Variants in PIKFYVE observed in about 807,000 individuals in gnomAD.
The protein encoded by PIKFYVE is 1-phosphatidylinositol 3-phosphate 5-kinase.
In PIKFYVE, 122 loss-of-function variants were observed where a neutral mutation model predicts 257.9. The observed-to-expected ratio is 0.47, with a 90% confidence interval of 0.41 to 0.55. PIKFYVE has a LOEUF of 0.55. Ranked by LOEUF, PIKFYVE falls within the 20% of genes least tolerant of loss-of-function variation. The probability of loss-of-function intolerance (pLI) is 0.00; values close to 1 mark genes in which losing one functional copy is unlikely to be tolerated. For missense variants in PIKFYVE, 2,160 were observed against 2,536.6 expected, an observed-to-expected ratio of 0.85 and a Z score of 3.19; for synonymous variants, 892 against 868.9, an observed-to-expected ratio of 1.03 and a Z score of -0.47.
At chr2:208,314,151 C>A in intron 13 of PIKFYVE, 143 bp from the exon 14 acceptor site, 1 of 802,610 alleles carries the variant, frequency 1.2e-6, no homozygotes, top group Non-Finnish European at 2.0e-6. Flanking sequence ...ATGTTTATTA[C>A]ATGTTCTTGC....
intron 9 of PIKFYVE, among the ~76,000 whole-genome samples, chr2:208,301,464 CG>C: frequency 6.6e-6 from 1 of 152,264 alleles, no homozygotes; most frequent in Admixed American, 6.5e-5. Context: ...CTATGCCTGT[CG>C]GGTCCTAGCT....
At chr2:208,269,832 C>A in intron 1 of PIKFYVE, 1 of 265,338 alleles carries the variant, frequency 3.8e-6, no homozygotes, top group South Asian at 6.3e-5. Context: ...TCTCAGGGGC[C>A]TGGGGGATGG....
chr2:208,333,039 C>G (rs1697730449), intron 23 of PIKFYVE, among the ~76,000 whole-genome samples: 2 of 151,748 alleles, frequency 1.3e-5, no homozygotes, highest in Admixed American at 1.3e-4. Flanking sequence ...TCGAGACCAC[C>G]CTGGCTAACA....
rs754119732 is a variant in PIKFYVE at position 208,335,929 on chromosome 2, A to G, written c.4365+28A>G. On this transcript the variant is annotated intron_variant, in intron 26 of 41. Transcript: ENST00000264380. ...AATTTATTTCTTTGGTAGAAAATTC[A>G]AAAGTTAATTATTGATTAAAAATTA... 4 of 1,590,590 alleles carry G rather than the reference A, an allele frequency of 2.5e-6. No individual in the cohort carries two copies. The South Asian group carries it at 3.3e-5, about 13-fold the overall frequency.
chr2:208,324,276 A>G lies in PIKFYVE; in HGVS notation c.2325A>G (p.Val775=), dbSNP rs2125571482. Residue 775 remains valine, a synonymous_variant, in exon 18 of 42, where the codon GTA becomes GTG. Coordinates refer to ENST00000264380, the MANE Select transcript of PIKFYVE (RefSeq NM_015040.4). ...ATGGCATTACTTTGGTCATTAATGTAAAGTCAGTGAGTGTTTTTAATTTTC... is the reference window on the plus strand; with the variant it reads ...ATGGCATTACTTTGGTCATTAATGTGAAGTCAGTGAGTGTTTTTAATTTTC... ...LEHGITLVIN[V]KSQVLERISR... is the part of the protein sequence containing the mutation. 1.9e-6 allele frequency: 3 copies of G among 1,613,826 alleles called. No homozygotes were observed. The highest frequency in any genetic ancestry group is 1.1e-5 in the South Asian group (1 of 91,078).
chr2:208,330,277 A>T (rs190218111), intron 22 of PIKFYVE, among the ~76,000 whole-genome samples: 5 of 152,332 alleles, frequency 3.3e-5, no homozygotes, highest in Admixed American at 2.6e-4. Flanking sequence ...AGTCCCCTTT[A>T]TAGGGAATAA....
At chr2:208,331,908 A>C (rs892383674) in intron 23 of PIKFYVE, among the ~76,000 whole-genome samples, 1 of 152,226 alleles carries the variant, frequency 6.6e-6, no homozygotes, top group Non-Finnish European at 1.5e-5. Flanking sequence ...GTTGTAGAAT[A>C]TGTTAACTGG....
intron 36 of PIKFYVE, among the ~76,000 whole-genome samples, chr2:208,350,306 CTCT>C (rs1699658308): frequency 1.3e-5 from 2 of 151,188 alleles, no homozygotes; most frequent in Non-Finnish European, 1.5e-5. Flanking sequence ...GTAAATTATG[CTCT>C]TATTTCTAAT....
At position 208,303,793 on chromosome 2, in the gene PIKFYVE, G is replaced by C. The variant is rs115016052; in HGVS notation, c.1321-378G>C. Among the ~76,000 whole-genome samples, 1,026 of 152,238 alleles carry C rather than the reference G, an allele frequency of 6.7e-3. 5 individuals carry two copies. The highest frequency in any genetic ancestry group is 0.01 in the Non-Finnish European group (710 of 68,004). The stretch of plus-strand genomic sequence containing the variant: ...GAAGAGACAAATGACTCCAAATATT[G>C]GTGTGGCATGATTGATTAAAAGTTA... On this transcript the variant is annotated intron_variant, in intron 10 of 41. Transcript: ENST00000264380.
At chr2:208,329,962 A>C (rs1266296539) in intron 22 of PIKFYVE, 49 bp downstream of exon 22, 1 of 1,598,310 alleles carries the variant, frequency 6.3e-7, no homozygotes, top group Admixed American at 1.7e-5. Context: ...TTTGATGCTC[A>C]AAATTTCAAG....
intron 12 of PIKFYVE, 71 bp from the exon 13 acceptor site, chr2:208,312,165 A>G (rs1208670190): frequency 2.7e-6 from 3 of 1,115,880 alleles, no homozygotes; most frequent in African/African-American, 3.1e-5. Context: ...TCTCTATATA[A>G]TTATGCTGAC....
rs1417964817 is a variant in PIKFYVE, at chr2:208,273,741, A to G, written c.322+8A>G. The G allele has an allele frequency of 1.9e-6, 3 of 1,613,946 alleles. No homozygotes were observed. The highest frequency in any genetic ancestry group is 8.5e-7 in the Non-Finnish European group (1 of 1,179,900). ...GGCGCTCTTCAGCATTAGGTAAAACAGTGTTCTTATTTCATTCCCTTCTAT... is the reference window on the plus strand; with the variant it reads ...GGCGCTCTTCAGCATTAGGTAAAACGGTGTTCTTATTTCATTCCCTTCTAT... On this transcript the variant is annotated splice_region_variant and intron_variant, in intron 3 of 41. Transcript: ENST00000264380.
At chr2:208,305,683 C>T (rs1009580380) in intron 12 of PIKFYVE, 21 of 189,054 alleles carry the variant, frequency 1.1e-4, no homozygotes, top group Admixed American at 8.5e-4. Context: ...CATAGCAGCA[C>T]ATAAGAAATG....
In PIKFYVE at chr2:208,325,276, C is replaced by G. The variant is rs377611340; in HGVS notation, c.2465C>G (p.Thr822Ser). ...TGTTTGTTTTTGTTTGTAGAACAAA[C>G]CAAGACACTGATGTTTTTTGAAGGT... ...MQIFQLPNEQTKTLMFFEGCP... is the reference protein window; with the variant it reads ...MQIFQLPNEQSKTLMFFEGCP... Residue 822 changes from threonine to serine, a missense_variant, in exon 20 of 42, where the codon ACC becomes AGC. By Grantham distance (58) the Thr-to-Ser change is moderately conservative (BLOSUM62 1). This residue lies in a region of PIKFYVE where 522 missense variants were observed against 514.6 expected (regional missense o/e 1.01). Transcript: ENST00000264380. 20 of 1,613,576 alleles carry G rather than the reference C, an allele frequency of 1.2e-5. No individual in the cohort carries two copies. The highest frequency in any genetic ancestry group is 1.4e-5 in the Non-Finnish European group (17 of 1,179,850).
chr2:208,308,125 G>A (rs1338230604), intron 12 of PIKFYVE, among the ~76,000 whole-genome samples: 1 of 152,132 alleles, frequency 6.6e-6, no homozygotes, highest in Admixed American at 6.5e-5. Flanking sequence ...GGGGCAGGGT[G>A]CAGTGGCTCA....
chr2:208,271,748 T>C, intron 2 of PIKFYVE, 57 bp downstream of exon 2: 1 of 1,534,168 alleles, frequency 6.5e-7, no homozygotes, highest in Non-Finnish European at 9.0e-7. Context: ...GAAATGCTCC[T>C]TTGTCTCCAG....
intron 18 of PIKFYVE, 44 bp downstream of exon 18, chr2:208,324,326 C>T: frequency 6.3e-7 from 1 of 1,594,128 alleles, no homozygotes; most frequent in South Asian, 1.1e-5. Flanking sequence ...AAAATCACAG[C>T]TTTTAAATTT....
Position 208,301,044 on chromosome 2 carries a change from A to G in PIKFYVE, c.1158A>G (p.Val386=), listed in dbSNP as rs1693615508. 6.2e-7 allele frequency: 1 copy of G among 1,614,054 alleles called. No homozygotes were observed. Among genetic ancestry groups the G allele is most frequent in the South Asian group, 1.1e-5 (1 of 91,084 alleles). Residue 386 remains valine (V), a synonymous_variant, in exon 9 of 42, where the codon GTA becomes GTG. Transcript: ENST00000264380. Reference sequence around the variant, plus strand: ...TGAGAACGCATCCCAACTGCATTGTAGGAAAGGAATTAGTCAACTGGCTAA... The same window carrying G: ...TGAGAACGCATCCCAACTGCATTGTGGGAAAGGAATTAGTCAACTGGCTAA... ...YWLRTHPNCI[V]GKELVNWLIR... is the part of the protein sequence containing the mutation.
intron 11 of PIKFYVE, 107 bp downstream of exon 11, chr2:208,304,425 T>A: frequency 7.1e-7 from 1 of 1,416,804 alleles, no homozygotes; most frequent in Non-Finnish European, 9.8e-7. Flanking sequence ...AATTTATGGC[T>A]CCAACTAAAT....
Sources: allele counts gnomAD v4.1 joint callset (sites outside exome capture counted in the v4.1 genomes callset), GRCh38; gene constraint gnomAD v4.1.1; regional missense constraint gnomAD v4.1.1; transcripts MANE v1.5; gene names NCBI Gene and HGNC (gene_info 2026-07-23, HGNC 2026-07-21).